Variants in FBXL17 observed in about 807,000 individuals in gnomAD.
FBXL17 encodes F-box/LRR-repeat protein 17.
A neutral mutation model predicts 66.2 loss-of-function variants in FBXL17; 22 were observed. That is an observed-to-expected ratio of 0.33 (90% CI 0.24 to 0.47). The LOEUF is 0.47. FBXL17 is among the 20% of genes least tolerant of loss of function. The pLI is 1.00. For missense variants in FBXL17, 878 were observed against 948.2 expected (o/e 0.93, Z 0.97); for synonymous variants, 474 against 400.5 (o/e 1.18, Z -2.19).
chr5:108,317,115 CA>C (rs1208455764), intron 4 of FBXL17, among the ~76,000 whole-genome samples: 1 of 151,136 alleles, frequency 6.6e-6, no homozygotes, highest in African/African-American at 2.4e-5. Flanking sequence ...AGAAGAGATG[CA>C]AAGCTAAATC....
chr5:108,109,335 C>T (rs149569933), intron 6 of FBXL17, among the ~76,000 whole-genome samples: 10 of 151,944 alleles, frequency 6.6e-5, no homozygotes, highest in Admixed American at 2.0e-4. Context: ...GAGGTGCCCA[C>T]TCTATATCCA....
chr5:108,058,484 TCTTTC>T (rs1376602948), intron 6 of FBXL17, among the ~76,000 whole-genome samples: 1 of 151,954 alleles, frequency 6.6e-6, no homozygotes, highest in African/African-American at 2.4e-5. Flanking sequence ...TTTCTTTCTT[TCTTTC>T]TTTTTCTTTT....
intron 7 of FBXL17, among the ~76,000 whole-genome samples, chr5:107,932,091 T>TA (rs765655078): frequency 2.6e-5 from 4 of 152,188 alleles, no homozygotes; most frequent in Non-Finnish European, 5.9e-5. Flanking sequence ...GAAAGAGGCA[T>TA]ACCCTTGGAA....
intron 7 of FBXL17, among the ~76,000 whole-genome samples, chr5:107,885,571 T>C (rs1472954242): frequency 6.6e-6 from 1 of 152,206 alleles, no homozygotes; most frequent in Non-Finnish European, 1.5e-5. Context: ...TGAATAATAC[T>C]ATGCCACTCT....
chr5:108,207,145 G>A (rs1196434047), intron 5 of FBXL17, among the ~76,000 whole-genome samples: 1 of 151,960 alleles, frequency 6.6e-6, no homozygotes, highest in Non-Finnish European at 1.5e-5. Flanking sequence ...TGGTCTCCCC[G>A]ACCCCCTCAA....
At chr5:108,374,107 G>C (rs149024821) in intron 1 of FBXL17, among the ~76,000 whole-genome samples, 1 of 152,154 alleles carries the variant, frequency 6.6e-6, no homozygotes, top group Admixed American at 6.5e-5. Flanking sequence ...ATTAATGCTT[G>C]GAGACTACAA....
chr5:108,260,477 C>A (rs767873520), intron 4 of FBXL17, among the ~76,000 whole-genome samples: 1 of 152,092 alleles, frequency 6.6e-6, no homozygotes, highest in Non-Finnish European at 1.5e-5. Context: ...ACTATCTAAA[C>A]ATGTAACATA....
At chr5:107,919,778 C>T (rs1217447768) in intron 7 of FBXL17, among the ~76,000 whole-genome samples, 2 of 152,186 alleles carry the variant, frequency 1.3e-5, no homozygotes, top group Non-Finnish European at 2.9e-5. Context: ...CCACTTGCAC[C>T]CATTCTCCAT....
At chr5:108,284,593 T>A (rs1429040374) in intron 4 of FBXL17, among the ~76,000 whole-genome samples, 1 of 151,776 alleles carries the variant, frequency 6.6e-6, no homozygotes, top group East Asian at 1.9e-4. Flanking sequence ...AATTAGTTAA[T>A]AGGTACAATG....
intron 2 of FBXL17, 51 bp from the exon 3 acceptor site, chr5:108,365,046 A>AT: frequency 7.4e-7 from 1 of 1,347,464 alleles, no homozygotes; most frequent in South Asian, 1.4e-5. Context: ...ATAAAAACGT[A>AT]TTTTCCATTT....
chr5:108,378,529 A>G (rs903074178), intron 1 of FBXL17, among the ~76,000 whole-genome samples: 1 of 152,120 alleles, frequency 6.6e-6, no homozygotes, highest in African/African-American at 2.4e-5. Flanking sequence ...GAAAAGAAAA[A>G]TTGTCATAGC....
chr5:108,290,971 G>A (rs1030180429), intron 4 of FBXL17, among the ~76,000 whole-genome samples: 31 of 152,194 alleles, frequency 2.0e-4, no homozygotes, highest in African/African-American at 7.5e-4. Flanking sequence ...TATTAAAACT[G>A]CAGAAGTGGA....
intron 6 of FBXL17, among the ~76,000 whole-genome samples, chr5:108,025,726 C>CGT (rs1367194264): frequency 5.7e-5 from 7 of 122,928 alleles, no homozygotes; most frequent in African/African-American, 2.4e-4. Context: ...CACGCGCGCG[C>CGT]GCACACACAC....
chr5:108,083,696 C>G (rs1748863210), intron 6 of FBXL17, among the ~76,000 whole-genome samples: 1 of 152,012 alleles, frequency 6.6e-6, no homozygotes, highest in African/African-American at 2.4e-5. Flanking sequence ...GCATGAGCCA[C>G]CATGCCTGGC....
At chr5:108,078,231 T>G (rs72798150) in intron 6 of FBXL17, among the ~76,000 whole-genome samples, 1 of 152,338 alleles carries the variant, frequency 6.6e-6, no homozygotes, top group Non-Finnish European at 1.5e-5. Context: ...AGTAAGAGAC[T>G]GATTCAAGAA....
intron 6 of FBXL17, among the ~76,000 whole-genome samples, chr5:108,152,028 G>A (rs286743): frequency 0.21 from 31,481 of 151,980 alleles, 3,576 homozygotes; most frequent in South Asian, 0.42. Context: ...AGAACTCAAT[G>A]GGTCCTCAAG....
intron 6 of FBXL17, among the ~76,000 whole-genome samples, chr5:108,149,593 C>T (rs549848089): frequency 9.2e-5 from 14 of 152,326 alleles, no homozygotes; most frequent in African/African-American, 2.6e-4. Context: ...ACAGTCTGTA[C>T]AGTGGCTTCA....
At chr5:108,348,639 TTA>T (rs1190683013) in intron 3 of FBXL17, 109 bp from the exon 4 acceptor site, 32 of 1,063,074 alleles carry the variant, frequency 3.0e-5, no homozygotes, top group Non-Finnish European at 3.8e-5. Flanking sequence ...AGTTAAATAT[TTA>T]TGTTACTTGT....
At chr5:108,339,187 A>C (rs1746715031) in intron 4 of FBXL17, among the ~76,000 whole-genome samples, 1 of 152,208 alleles carries the variant, frequency 6.6e-6, no homozygotes. Context: ...AAGTTTAGTC[A>C]CTGAAATAAC....
Sources: allele counts gnomAD v4.1 joint callset (sites outside exome capture counted in the v4.1 genomes callset), GRCh38; gene constraint gnomAD v4.1.1; transcripts MANE v1.5; gene names NCBI Gene and HGNC (gene_info 2026-07-23, HGNC 2026-07-21).